The following USP16 variants were observed in gnomAD, a reference collection of about 807,000 sequenced individuals.
USP16 encodes the protein ubiquitin carboxyl-terminal hydrolase 16.
In USP16, 77 loss-of-function variants were observed where a neutral mutation model predicts 95.9. The ratio of observed to expected loss-of-function variants is 0.80; its 90% CI spans 0.67 to 0.97. The LOEUF (loss-of-function observed/expected upper bound fraction) is 0.97. USP16 is among the 50% of genes least tolerant of loss of function. The pLI is 0.00. For missense variants in USP16, 943 were observed against 959.9 expected, an observed-to-expected ratio of 0.98 and a Z score of 0.23; for synonymous variants, 303 against 318.2, an observed-to-expected ratio of 0.95 and a Z score of 0.51.
At position 29,047,199 on chromosome 21, in the gene USP16, A is replaced by T; in HGVS notation, c.1889A>T (p.Glu630Val). ...AACAGGGAAGTTTTCAATACTGATG[A>T]GTGTTCAATCCAACATTGTTTATAT... ...LANREVFNTD[E>V]CSIQHCLYQF... Residue 630 changes from glutamate (E) to valine (V), a missense_variant, in exon 14 of 18, where the codon GAG (glutamate) becomes GTG (valine). Glu to Val is a moderately radical substitution (Grantham distance 121, BLOSUM62 -2). Transcript: ENST00000399976. The T allele has an allele frequency of 6.2e-7, 1 of 1,614,182 alleles. No homozygotes were observed. Among genetic ancestry groups the T allele is most frequent in the Non-Finnish European group, 8.5e-7 (1 of 1,180,024 alleles).
intron 5 of USP16, 121 bp downstream of exon 5, chr21:29,036,495 A>G (rs2085158858): frequency 3.4e-6 from 3 of 877,198 alleles, no homozygotes; most frequent in Non-Finnish European, 5.3e-6. Context: ...GGTTGATTGC[A>G]AACTATGAAA....
intron 2 of USP16, among the ~76,000 whole-genome samples, chr21:29,030,234 TATTGACTA>T (rs1223756677): frequency 6.6e-6 from 1 of 152,102 alleles, no homozygotes; most frequent in Non-Finnish European, 1.5e-5. Flanking sequence ...GTAGGTGTAT[TATTGACTA>T]AATGAAGGAC....
intron 13 of USP16, among the ~76,000 whole-genome samples, chr21:29,044,093 T>C (rs1281326321): frequency 6.6e-6 from 1 of 152,026 alleles, no homozygotes; most frequent in East Asian, 1.9e-4. Context: ...CCACCAAGCC[T>C]AGCTAATTTT....
chr21:29,054,006 CA>C, intron 17 of USP16, 48 bp downstream of exon 17: 1 of 1,612,564 alleles, frequency 6.2e-7, no homozygotes, highest in East Asian at 2.2e-5. Context: ...ACGGCAAAAC[CA>C]AAAAGTAATC....
intron 6 of USP16, among the ~76,000 whole-genome samples, chr21:29,038,116 G>A (rs904742831): frequency 2.0e-5 from 3 of 152,112 alleles, no homozygotes; most frequent in Non-Finnish European, 4.4e-5. Context: ...ATTGGGTGGT[G>A]GGAGAATGCC....
intron 8 of USP16, 121 bp downstream of exon 8, chr21:29,039,277 C>G: frequency 1.7e-6 from 2 of 1,144,880 alleles, no homozygotes; most frequent in Non-Finnish European, 2.3e-6. Context: ...CCTCTATATA[C>G]AAAAGGCATA....
In USP16 at chr21:29,046,849, A is replaced by G. The variant is rs1490462878; in HGVS notation, c.1539A>G (p.Lys513=). 6.2e-7 allele frequency: 1 copy of G among 1,614,206 alleles called. No individual in the cohort carries two copies. The highest frequency in any genetic ancestry group is 1.3e-5 in the African/African-American group (1 of 75,068). ...VMHKEYCVNQ[K]DLNGQAKMIE... Reference sequence around the variant, plus strand: ...ATAAAGAATATTGTGTCAACCAGAAAGATTTGAATGGCCAAGCAAAAATGA... The same window carrying G: ...ATAAAGAATATTGTGTCAACCAGAAGGATTTGAATGGCCAAGCAAAAATGA... The change falls in exon 14 of 18, where the codon AAA becomes AAG. Residue 513 remains lysine (K), a synonymous_variant. Coordinates refer to ENST00000399976, the MANE Select transcript of USP16 (RefSeq NM_006447.3).
Position 29,043,584 on chromosome 21 carries a change from CA to C in USP16, c.1346del (p.Lys449SerfsTer19). On this transcript the variant is annotated frameshift_variant, in exon 13 of 18. Coordinates refer to ENST00000399976, the MANE Select transcript of USP16 (RefSeq NM_006447.3). LOFTEE classifies it high-confidence loss of function. ...HLQKKAKKQAKKQAKNQRRQQ... is the reference protein window; with the variant it reads ...HLQKKAKKQAXKQAKNQRRQQ... ...TACAGAAAAAAGCAAAGAAACAAGC[CA>C]AAAAGCAAGCCAAGGTGGGTAATTA... The C allele has an allele frequency of 6.5e-7, 1 of 1,543,828 alleles. No individual in the cohort carries two copies. The highest frequency in any genetic ancestry group is 8.7e-7 in the Non-Finnish European group (1 of 1,152,620).
At position 29,043,554 on chromosome 21, in the gene USP16, G is replaced by T. The variant is rs1278923695; in HGVS notation, c.1311G>T (p.Lys437Asn). ...ERSDIPSGTS[K>N]HLQKKAKKQA... ...GTGATATTCCTTCTGGAACAAGTAA[G>T]CACTTACAGAAAAAAGCAAAGAAAC... The change falls in exon 13 of 18, where the codon AAG (lysine) becomes AAT (asparagine). Residue 437 changes from lysine to asparagine, a missense_variant. Coordinates refer to ENST00000399976, the MANE Select transcript of USP16 (RefSeq NM_006447.3). 8.2e-6 allele frequency: 13 copies of T among 1,576,728 alleles called. No homozygotes were observed. Among genetic ancestry groups the T allele is most frequent in the Non-Finnish European group, 1.0e-5 (12 of 1,167,376 alleles).
chr21:29,031,092 A>G (rs535311511), intron 3 of USP16, among the ~76,000 whole-genome samples: 1 of 152,336 alleles, frequency 6.6e-6, no homozygotes, highest in South Asian at 2.1e-4. Flanking sequence ...TGCATAGACC[A>G]GTCATTGGAT....
rs143493055 is a variant in USP16, at chr21:29,040,643, A to G, written c.986A>G (p.Asn329Ser). 2 of 1,547,006 alleles carry G rather than the reference A, an allele frequency of 1.3e-6. No individual in the cohort carries two copies. Among genetic ancestry groups the G allele is most frequent in the Non-Finnish European group, 1.8e-6 (2 of 1,128,538 alleles). ...AAAGGAATACTTAAAGCATTTGGTA[A>G]TTCTACTGAAAAGTTGGATGAAGAA... Reference protein sequence around the residue: ...VSKGILKAFGNSTEKLDEELK... With the variant: ...VSKGILKAFGSSTEKLDEELK... Residue 329 changes from asparagine (N) to serine (S), a missense_variant, in exon 10 of 18, where the codon AAT becomes AGT. Transcript: ENST00000399976.
At chr21:29,040,887 T>C (rs957104694) in intron 10 of USP16, among the ~76,000 whole-genome samples, 200 bp downstream of exon 10, 9 of 152,220 alleles carry the variant, frequency 5.9e-5, no homozygotes, top group African/African-American at 2.2e-4. Flanking sequence ...GTATTAAAGA[T>C]AGAACTATGA....
chr21:29,037,162 T>C, intron 5 of USP16, 114 bp from the exon 6 acceptor site: 1 of 594,508 alleles, frequency 1.7e-6, no homozygotes, highest in Non-Finnish European at 2.5e-6. Flanking sequence ...GGTGGGTGGG[T>C]TGGAAAGAAT....
rs2085194586 is a variant in USP16, at chr21:29,038,387, C to T, written c.689C>T (p.Ser230Phe). The T allele has an allele frequency of 6.2e-7, 1 of 1,612,830 alleles. No homozygotes were observed. Among genetic ancestry groups the T allele is most frequent in the Non-Finnish European group, 8.5e-7 (1 of 1,179,210 alleles). Reference sequence around the variant, plus strand: ...GAACTACTAAAAGAAGTGAAAATGTCTGGAACAATTGTAAAAATTGAACCA... The same window carrying T: ...GAACTACTAAAAGAAGTGAAAATGTTTGGAACAATTGTAAAAATTGAACCA... ...LRELLKEVKMSGTIVKIEPPD... is the reference protein window; with the variant it reads ...LRELLKEVKMFGTIVKIEPPD... The change falls in exon 7 of 18, where the codon TCT (serine) becomes TTT (phenylalanine). Residue 230 changes from serine (S) to phenylalanine (F), a missense_variant. Ser to Phe is a radical substitution (Grantham distance 155). Coordinates refer to ENST00000399976, the MANE Select transcript of USP16 (RefSeq NM_006447.3).
chr21:29,043,118 A>G (rs1022150487), intron 12 of USP16: 1 of 179,542 alleles, frequency 5.6e-6, no homozygotes, highest in Non-Finnish European at 1.2e-5. Context: ...TAGAAAATGT[A>G]TTTGGAAATG....
chr21:29,034,698 C>G, intron 3 of USP16, 139 bp from the exon 4 acceptor site: 1 of 739,140 alleles, frequency 1.4e-6, no homozygotes, highest in South Asian at 1.9e-5. Flanking sequence ...AATATTGATT[C>G]TAGAGTCTAA....
intron 16 of USP16, among the ~76,000 whole-genome samples, chr21:29,051,440 G>A (rs1044793069): frequency 6.6e-5 from 10 of 152,162 alleles, no homozygotes; most frequent in African/African-American, 2.2e-4. Flanking sequence ...GAGAGAAAAA[G>A]GAGATGGCCA....
rs868354501 is a variant in USP16, at chr21:29,037,943, G to A, written c.637-392G>A. Among the ~76,000 whole-genome samples the A allele has an allele frequency of 3.3e-5, 5 of 152,306 alleles. No homozygotes were observed. The South Asian group carries it at 8.3e-4, about 25-fold the overall frequency. ...CAGTAAGAGAGTTTGGTGAGCACTC[G>A]GGTGCAGTGGGTTTGAAAGAAATAT... On this transcript the variant is annotated intron_variant, in intron 6 of 17. Transcript: ENST00000399976.
At chr21:29,051,228 T>C (rs1337738838) in intron 16 of USP16, among the ~76,000 whole-genome samples, 1 of 152,180 alleles carries the variant, frequency 6.6e-6, no homozygotes, top group Non-Finnish European at 1.5e-5. Flanking sequence ...AGAGAAAGGA[T>C]AATGACTTCA....
Sources: gnomAD v4.1 joint callset for allele counts (sites outside exome capture counted in the v4.1 genomes callset) on GRCh38, gnomAD v4.1.1 for gene constraint, MANE v1.5 for transcripts, NCBI Gene and HGNC (gene_info 2026-07-23, HGNC 2026-07-21) for gene names.